Variants in LHFPL3 observed in about 807,000 individuals in gnomAD.
The protein encoded by LHFPL3 is LHFPL tetraspan subfamily member 3 protein.
A neutral mutation model predicts 19.3 loss-of-function variants in LHFPL3; 5 were observed. The ratio of observed to expected loss-of-function variants is 0.26; its 90% CI spans 0.14 to 0.54. The LOEUF (loss-of-function observed/expected upper bound fraction) is 0.54, where lower values mean the gene tolerates loss of function less well. Among genes scored for constraint, LHFPL3 ranks in the 20% least tolerant of loss-of-function variants. The pLI, the probability that LHFPL3 is intolerant of heterozygous loss-of-function variation, is 0.94. For missense variants in LHFPL3, 249 were observed against 307.4 expected (o/e 0.81, Z 1.42); for synonymous variants, 133 against 126.2 (o/e 1.05, Z -0.36).
intron 1 of LHFPL3, among the ~76,000 whole-genome samples, chr7:104,723,722 C>CAA (rs1167618176): frequency 0.011 from 526 of 46,976 alleles, 45 homozygotes; most frequent in African/African-American, 0.033. Flanking sequence ...ACTATGTCTC[C>CAA]AAAAAAAAAA....
intron 1 of LHFPL3, among the ~76,000 whole-genome samples, chr7:104,409,326 GTGTGTGTGTGTGTGTC>G (rs1251889683): frequency 6.6e-6 from 1 of 151,802 alleles, no homozygotes; most frequent in Non-Finnish European, 1.5e-5. Context: ...GTGTGTGTGT[GTGTGTGTGTGTGTGTC>G]TGTGTGAAAG....
chr7:104,839,299 T>G (rs571770686), intron 2 of LHFPL3, among the ~76,000 whole-genome samples: 14 of 152,308 alleles, frequency 9.2e-5, no homozygotes, highest in African/African-American at 3.4e-4. Context: ...CCAATGGAAC[T>G]CCATTCCTGA....
chr7:104,723,730 A>C (rs1793532534), intron 1 of LHFPL3, among the ~76,000 whole-genome samples: 1 of 146,954 alleles, frequency 6.8e-6, no homozygotes, highest in African/African-American at 2.6e-5. Flanking sequence ...TCCAAAAAAA[A>C]AAAAAAAAAA....
intron 1 of LHFPL3, among the ~76,000 whole-genome samples, chr7:104,401,399 A>G (rs116465827): frequency 0.023 from 3,495 of 152,314 alleles, 134 homozygotes; most frequent in African/African-American, 0.079. Context: ...TTAGCATCAC[A>G]TTTAAGCTAA....
rs1472820061 is a variant in LHFPL3, at chr7:104,901,734, A to AT, written c.683-4444dup. Among the ~76,000 whole-genome samples, 6 of 151,106 alleles carry AT rather than the reference A, an allele frequency of 4.0e-5. No individual in the cohort carries two copies. The South Asian group carries it at 1.1e-3, about 27-fold the overall frequency. On this transcript the variant is annotated intron_variant, in intron 2 of 2. Coordinates refer to ENST00000424859, the MANE Select transcript of LHFPL3 (RefSeq NM_199000.3). ...TGGTGTGCACCATCACACCTGGCTAATTTTTTTTTATTTTCTGTAGACACA... is the reference window on the plus strand; with the variant it reads ...TGGTGTGCACCATCACACCTGGCTAATTTTTTTTTTATTTTCTGTAGACACA...
At chr7:104,715,215 A>G (rs1434151036) in intron 1 of LHFPL3, among the ~76,000 whole-genome samples, 2 of 152,170 alleles carry the variant, frequency 1.3e-5, no homozygotes, top group African/African-American at 4.8e-5. Flanking sequence ...CCTGTCTCAA[A>G]AACTATATAT....
intron 2 of LHFPL3, among the ~76,000 whole-genome samples, chr7:104,878,440 T>C (rs1366181971): frequency 6.6e-6 from 1 of 152,142 alleles, no homozygotes; most frequent in African/African-American, 2.4e-5. Flanking sequence ...CTGTGATCAG[T>C]GATCTTTGAT....
At position 104,585,480 on chromosome 7, in the gene LHFPL3, A is replaced by ACACACACAC. The variant is rs1790551501; in HGVS notation, c.446-151195_446-151194insCACACACAC. Among the ~76,000 whole-genome samples, 186 of 123,452 alleles carry ACACACACAC rather than the reference A, an allele frequency of 1.5e-3. 2 individuals carry two copies. The highest frequency in any genetic ancestry group is 8.1e-3 in the South Asian group (27 of 3,348). The allele number at this position is 123,452 out of a possible 152,430, so 81.0% of individuals were successfully genotyped here. A position where few individuals can be genotyped will look rare whatever the true frequency, so the allele number is the denominator to read the frequency against. ...AAAGTGGAATAAGGCAACACACACAAACACACACACACACACACACACACA... is the reference window on the plus strand; with the variant it reads ...AAAGTGGAATAAGGCAACACACACAACACACACACACACACACACACACACACACACACA... On this transcript the variant is annotated intron_variant, in intron 1 of 2. Coordinates refer to ENST00000424859, the MANE Select transcript of LHFPL3 (RefSeq NM_199000.3).
rs1418065272 is a variant in LHFPL3 at position 104,779,960 on chromosome 7, G to A, written c.682+43049G>A. 3.9e-5 allele frequency among the ~76,000 whole-genome samples: 6 copies of A among 152,210 alleles called. No homozygotes were observed. The East Asian group carries it at 9.6e-4, about 24-fold the overall frequency. ...TAATCTATGTGATGGCTTGTAATGT[G>A]CCTGTAAGTGAGGGAAGGAAGTTTG... On this transcript the variant is annotated intron_variant, in intron 2 of 2. Transcript: ENST00000424859.
At chr7:104,351,087 T>C (rs1790166041) in intron 1 of LHFPL3, among the ~76,000 whole-genome samples, 1 of 150,022 alleles carries the variant, frequency 6.7e-6, no homozygotes, top group South Asian at 2.1e-4. Context: ...CAAGACACCA[T>C]TTAAGAAGAG....
intron 2 of LHFPL3, among the ~76,000 whole-genome samples, chr7:104,873,993 T>A (rs185203706): frequency 3.9e-5 from 6 of 152,354 alleles, no homozygotes; most frequent in Non-Finnish European, 8.8e-5. Context: ...AGATCCCTAA[T>A]GAAAACTGGC....
chr7:104,673,010 C>T (rs1792516308), intron 1 of LHFPL3, among the ~76,000 whole-genome samples: 1 of 152,130 alleles, frequency 6.6e-6, no homozygotes, highest in Admixed American at 6.5e-5. Context: ...CCCCTTTTCA[C>T]TTACCCTTTA....
At chr7:104,705,049 T>C (rs1352143106) in intron 1 of LHFPL3, among the ~76,000 whole-genome samples, 1 of 152,228 alleles carries the variant, frequency 6.6e-6, no homozygotes, top group Non-Finnish European at 1.5e-5. Context: ...TTTCTTTTCC[T>C]TTAATCTATT....
chr7:104,373,516 A>G (rs1013996667), intron 1 of LHFPL3, among the ~76,000 whole-genome samples: 21 of 152,346 alleles, frequency 1.4e-4, no homozygotes, highest in African/African-American at 3.8e-4. Context: ...AAATATTTTA[A>G]GAGATGTATT....
intron 1 of LHFPL3, among the ~76,000 whole-genome samples, chr7:104,406,362 G>A (rs1206203432): frequency 1.3e-5 from 2 of 152,216 alleles, no homozygotes; most frequent in African/African-American, 2.4e-5. Flanking sequence ...TAAGAGAGCA[G>A]TTTTGGAGCT....
At chr7:104,493,158 A>G (rs920122093) in intron 1 of LHFPL3, among the ~76,000 whole-genome samples, 1 of 152,076 alleles carries the variant, frequency 6.6e-6, no homozygotes, top group Non-Finnish European at 1.5e-5. Context: ...ACCTCTTTTA[A>G]AAATTCCTCT....
chr7:104,402,705 C>T (rs903178983), intron 1 of LHFPL3, among the ~76,000 whole-genome samples: 2 of 152,158 alleles, frequency 1.3e-5, no homozygotes, highest in African/African-American at 2.4e-5. Flanking sequence ...TAGGGCTTTC[C>T]TTATATTTGA....
At chr7:104,600,015 A>G (rs1007145592) in intron 1 of LHFPL3, among the ~76,000 whole-genome samples, 2 of 152,132 alleles carry the variant, frequency 1.3e-5, no homozygotes, top group African/African-American at 4.8e-5. Context: ...TCCCCTTCCT[A>G]TGCTAGAAGC....
rs978863763 is a variant in LHFPL3, at chr7:104,601,440, A to G, written c.446-135235A>G. ...CAATGTTAGGTATAGCAGTGAACAA[A>G]ATCTATAAGGTCCTTAGATCATGAA... is the stretch of plus-strand genomic sequence containing the variant. On this transcript the variant is annotated intron_variant, in intron 1 of 2. Coordinates refer to ENST00000424859, the MANE Select transcript of LHFPL3 (RefSeq NM_199000.3). Among the ~76,000 whole-genome samples, 8 of 152,222 alleles carry G rather than the reference A, an allele frequency of 5.3e-5. No homozygotes were observed. In the South Asian group the frequency reaches 1.0e-3, roughly 20 times the overall value.
Sources: allele counts gnomAD v4.1 joint callset (sites outside exome capture counted in the v4.1 genomes callset), GRCh38; gene constraint gnomAD v4.1.1; transcripts MANE v1.5; gene names NCBI Gene and HGNC (gene_info 2026-07-23, HGNC 2026-07-21).